Variants in IL21R observed in about 807,000 individuals in gnomAD.
IL21R encodes interleukin 21 receptor.
IL21R carries 14 observed loss-of-function variants against 41.3 expected under a neutral mutation model. The observed-to-expected ratio is 0.34, with a 90% CI of 0.22 to 0.53. The LOEUF is 0.53. IL21R is among the 20% of genes least tolerant of loss of function. The pLI, the probability that IL21R is intolerant of heterozygous loss-of-function variation, is 0.94. For synonymous variants in IL21R, 286 were observed against 287.6 expected, an observed-to-expected ratio of 0.99 and a Z score of 0.05; for missense variants, 588 against 681.6, an observed-to-expected ratio of 0.86 and a Z score of 1.53.
intron 1 of IL21R, among the ~76,000 whole-genome samples, chr16:27,422,184 G>A (rs1475426706): frequency 6.6e-6 from 1 of 151,998 alleles, no homozygotes; most frequent in African/African-American, 2.4e-5. Context: ...TGAAGGTGAA[G>A]TGTCTTTTTT....
chr16:27,435,423 G>C (rs542464735), intron 3 of IL21R, among the ~76,000 whole-genome samples: 2 of 151,944 alleles, frequency 1.3e-5, no homozygotes, highest in African/African-American at 4.8e-5. Flanking sequence ...AACCAACAAG[G>C]TGCTTTCTCT....
At chr16:27,435,953 A>G (rs1179348104) in intron 3 of IL21R, among the ~76,000 whole-genome samples, 1 of 151,914 alleles carries the variant, frequency 6.6e-6, no homozygotes, top group African/African-American at 2.4e-5. Flanking sequence ...TTGTATTTTA[A>G]GTAGAGACAG....
Position 27,449,032 on chromosome 16 carries a change from G to A in IL21R, c.1366G>A (p.Gly456Arg). ...LDRLKPPLAD[G>R]EDWAGGLPWG... ...CAGACTAAAGCCACCCCTTGCAGAT[G>A]GGGAGGACTGGGCTGGGGGACTGCC... Residue 456 changes from glycine (G) to arginine (R), a missense_variant, in exon 9 of 9, where the codon GGG becomes AGG. Transcript: ENST00000337929. The A allele has an allele frequency of 1.2e-6, 2 of 1,612,168 alleles. No homozygotes were observed. The highest frequency in any genetic ancestry group is 1.7e-6 in the Non-Finnish European group (2 of 1,179,556).
intron 3 of IL21R, 24 bp downstream of exon 3, chr16:27,434,473 C>G (rs766272874): frequency 4.7e-6 from 7 of 1,477,874 alleles, no homozygotes; most frequent in South Asian, 2.3e-5. Flanking sequence ...CCTCACCAGT[C>G]CCCGGGGATG....
chr16:27,441,046 CAA>C (rs35321284), intron 4 of IL21R, among the ~76,000 whole-genome samples: 16,288 of 67,144 alleles, frequency 0.24, 372 homozygotes, highest in Middle Eastern at 0.34. Flanking sequence ...GATTCTGTCT[CAA>C]AAAAAAAAAA....
chr16:27,430,152 G>GA, intron 2 of IL21R, 32 bp downstream of exon 2: 1 of 1,591,226 alleles, frequency 6.3e-7, no homozygotes, highest in East Asian at 2.2e-5. Context: ...TGCGGGTGGG[G>GA]AGGGCCCCCA....
At chr16:27,411,139 C>T (rs970630522) in intron 1 of IL21R, among the ~76,000 whole-genome samples, 1 of 152,122 alleles carries the variant, frequency 6.6e-6, no homozygotes, top group African/African-American at 2.4e-5. Flanking sequence ...GCAAATATCT[C>T]TTTGAGATGC....
In IL21R at chr16:27,449,061, G is replaced by C; in HGVS notation, c.1395G>C (p.Trp465Cys). 2 of 1,612,894 alleles carry C rather than the reference G, an allele frequency of 1.2e-6. No individual in the cohort carries two copies. Among genetic ancestry groups the C allele is most frequent in the Non-Finnish European group, 8.5e-7 (1 of 1,179,794 alleles). ...AGGACTGGGCTGGGGGACTGCCCTG[G>C]GGTGGCCGGTCACCTGGAGGGGTCT... is the stretch of plus-strand genomic sequence containing the variant. Reference protein sequence around the residue: ...DGEDWAGGLPWGGRSPGGVSE... With the variant: ...DGEDWAGGLPCGGRSPGGVSE... Residue 465 changes from tryptophan (W) to cysteine (C), a missense_variant, in exon 9 of 9, where the codon TGG becomes TGC. Coordinates refer to ENST00000337929, the MANE Select transcript of IL21R (RefSeq NM_181078.3).
Position 27,448,772 on chromosome 16 carries a change from G to C in IL21R, c.1106G>C (p.Arg369Pro). ...GGSAYSEERD[R>P]PYGLVSIDTV... ...TCAGCTTACAGTGAGGAGAGGGATC[G>C]GCCATACGGCCTGGTGTCCATTGAC... The change falls in exon 9 of 9, where the codon CGG becomes CCG. Residue 369 changes from arginine (R) to proline (P), a missense_variant. Coordinates refer to ENST00000337929, the MANE Select transcript of IL21R (RefSeq NM_181078.3). 1 of 1,613,572 alleles carries C rather than the reference G, an allele frequency of 6.2e-7. No homozygotes were observed. The highest frequency in any genetic ancestry group is 8.5e-7 in the Non-Finnish European group (1 of 1,180,026).
At chr16:27,403,264 G>A in intron 1 of IL21R, 1 of 1,320,684 alleles carries the variant, frequency 7.6e-7, no homozygotes, top group East Asian at 4.1e-5. Context: ...AGGAGAGGAG[G>A]GTGGGGAGGT....
chr16:27,446,953 C>A (rs1347430622), intron 8 of IL21R, among the ~76,000 whole-genome samples: 1 of 152,200 alleles, frequency 6.6e-6, no homozygotes, highest in Non-Finnish European at 1.5e-5. Context: ...TGCAGCCCAG[C>A]CTGAAAGTCA....
chr16:27,425,017 A>G (rs1351344762), intron 1 of IL21R, among the ~76,000 whole-genome samples: 1 of 152,172 alleles, frequency 6.6e-6, no homozygotes, highest in Admixed American at 6.5e-5. Context: ...ACTCATCACC[A>G]AGCGGATGGC....
At chr16:27,418,617 G>T (rs940380388) in intron 1 of IL21R, among the ~76,000 whole-genome samples, 4 of 152,058 alleles carry the variant, frequency 2.6e-5, no homozygotes, top group Admixed American at 6.5e-5. Context: ...TGATCTGCCC[G>T]CCTTGGCCTC....
At chr16:27,417,163 C>CTTTTTT (rs577149386) in intron 1 of IL21R, among the ~76,000 whole-genome samples, 21 of 126,602 alleles carry the variant, frequency 1.7e-4, no homozygotes, top group South Asian at 5.0e-4. Context: ...TTTTTCTTTT[C>CTTTTTT]TTTTTTTTTT....
chr16:27,430,433 G>T (rs557588628), intron 2 of IL21R, among the ~76,000 whole-genome samples: 1 of 152,316 alleles, frequency 6.6e-6, no homozygotes, highest in South Asian at 2.1e-4. Flanking sequence ...CTCTGCCTTG[G>T]CTGGCTCCCA....
Position 27,430,212 on chromosome 16 carries a change from G to A in IL21R, c.49+92G>A, listed in dbSNP as rs2087147698. 3.8e-6 allele frequency: 4 copies of A among 1,066,020 alleles called. No individual in the cohort carries two copies. The Admixed American group carries it at 8.3e-5, about 22-fold the overall frequency. 66.0% of individuals were successfully genotyped at this position (1,066,020 alleles called of 1,614,324 possible). On this transcript the variant is annotated intron_variant, in intron 2 of 8. Transcript: ENST00000337929. ...CTGGCTTTCTGGGCTCAAAAACACG[G>A]CTAGAGTCCACAGATTCAGAAAAGA...
At chr16:27,426,970 A>C (rs2087088142) in intron 1 of IL21R, among the ~76,000 whole-genome samples, 1 of 152,264 alleles carries the variant, frequency 6.6e-6, no homozygotes, top group East Asian at 1.9e-4. Flanking sequence ...CCATGATGCC[A>C]TGGGGACTCC....
At chr16:27,427,220 T>C in intron 1 of IL21R, 1 of 915,150 alleles carries the variant, frequency 1.1e-6, no homozygotes. Flanking sequence ...GGAGCCCACT[T>C]TGTGGAGCAT....
At chr16:27,423,287 C>T (rs1374771422) in intron 1 of IL21R, among the ~76,000 whole-genome samples, 3 of 151,908 alleles carry the variant, frequency 2.0e-5, no homozygotes, top group African/African-American at 7.3e-5. Flanking sequence ...GTGACAACAG[C>T]TACTTCATTA....
Sources: gnomAD v4.1 joint callset for allele counts (sites outside exome capture counted in the v4.1 genomes callset) on GRCh38, gnomAD v4.1.1 for gene constraint, MANE v1.5 for transcripts, NCBI Gene and HGNC (gene_info 2026-07-23, HGNC 2026-07-21) for gene names.